The following CNST variants were observed in gnomAD, a reference collection of about 807,000 sequenced individuals.
CNST encodes consortin, connexin sorting protein, also known as consortin.
A neutral mutation model predicts 72.4 loss-of-function variants in CNST; 39 were observed. The observed-to-expected ratio is 0.54, with a 90% CI of 0.42 to 0.70. The LOEUF is 0.70. Ranked by LOEUF, CNST falls within the 30% of genes least tolerant of loss-of-function variation. CNST has a pLI of 0.00. For missense variants in CNST, 871 were observed against 868.5 expected (o/e 1.00, Z -0.04); for synonymous variants, 332 against 320.1 (o/e 1.04, Z -0.40).
At chr1:246,578,407 T>G (rs1660569108) in intron 1 of CNST, among the ~76,000 whole-genome samples, 1 of 152,186 alleles carries the variant, frequency 6.6e-6, no homozygotes, top group East Asian at 1.9e-4. Context: ...GCGTGGTGGC[T>G]CACGCCTGTA....
intron 10 of CNST, among the ~76,000 whole-genome samples, chr1:246,661,543 C>T (rs932681691): frequency 2.0e-5 from 3 of 152,160 alleles, no homozygotes; most frequent in Non-Finnish European, 1.5e-5. Context: ...AGTTTTACAC[C>T]ATTGCTGCTG....
intron 1 of CNST, among the ~76,000 whole-genome samples, chr1:246,567,662 C>A (rs536148987): frequency 5.9e-5 from 9 of 152,216 alleles, no homozygotes; most frequent in African/African-American, 1.9e-4. Context: ...CTAAATATGA[C>A]CTTTTGTGTA....
intron 1 of CNST, among the ~76,000 whole-genome samples, chr1:246,575,093 T>G (rs1341005197): frequency 1.3e-5 from 2 of 151,960 alleles, no homozygotes. Context: ...CCTCCCGGGT[T>G]CAAGTGATTC....
intron 3 of CNST, among the ~76,000 whole-genome samples, chr1:246,630,028 G>A (rs1664677126): frequency 6.6e-6 from 1 of 152,194 alleles, no homozygotes. Context: ...TGCCATGCCC[G>A]GCTCTGCAGT....
At chr1:246,609,672 G>A (rs905018194) in intron 2 of CNST, among the ~76,000 whole-genome samples, 2 of 152,220 alleles carry the variant, frequency 1.3e-5, no homozygotes, top group African/African-American at 4.8e-5. Context: ...GAAAAAGGGA[G>A]CAGGGCAGAG....
At chr1:246,651,809 A>G (rs1337046083) in intron 9 of CNST, among the ~76,000 whole-genome samples, 1 of 152,206 alleles carries the variant, frequency 6.6e-6, no homozygotes, top group East Asian at 1.9e-4. Flanking sequence ...AAAAAGCATC[A>G]AAAATTTTAT....
chr1:246,642,050 C>T lies in CNST; in HGVS notation c.937+13C>T, dbSNP rs992076403. The T allele has an allele frequency of 1.1e-5, 17 of 1,507,722 alleles. No homozygotes were observed. The highest frequency in any genetic ancestry group is 1.3e-5 in the Non-Finnish European group (14 of 1,100,882). The allele number at this position is 1,507,722 out of a possible 1,614,324, so 93.4% of individuals were successfully genotyped here. A position where few individuals can be genotyped will look rare whatever the true frequency, so the allele number is the denominator to read the frequency against. ...ACCAAAGAGTCAGGTATGTTTTTAA[C>T]TTAAGCTATGGAGCAACGTAAAAGA... On this transcript the variant is annotated intron_variant, in intron 8 of 10. Transcript: ENST00000366513.
intron 2 of CNST, among the ~76,000 whole-genome samples, chr1:246,604,239 G>A (rs747927244): frequency 3.9e-5 from 6 of 151,904 alleles, no homozygotes; most frequent in East Asian, 3.9e-4. Flanking sequence ...GGGCGAAGAC[G>A]CAAGACTCCA....
At chr1:246,588,119 ATCTT>A (rs1407424827) in intron 1 of CNST, among the ~76,000 whole-genome samples, 1 of 152,090 alleles carries the variant, frequency 6.6e-6, no homozygotes, top group Non-Finnish European at 1.5e-5. Flanking sequence ...GAAGAACTAA[ATCTT>A]TATGAAATTA....
At chr1:246,589,779 G>A (rs907529768) in intron 1 of CNST, among the ~76,000 whole-genome samples, 1 of 152,142 alleles carries the variant, frequency 6.6e-6, no homozygotes, top group South Asian at 2.1e-4. Flanking sequence ...AGCACCTGTT[G>A]TTTCCTGACT....
chr1:246,665,722 T>C lies in CNST; in HGVS notation c.1995T>C (p.Cys665=), dbSNP rs1342907084. The change falls in exon 11 of 11, where the codon TGT becomes TGC. Residue 665 remains cysteine, a synonymous_variant. Coordinates refer to ENST00000366513, the MANE Select transcript of CNST (RefSeq NM_152609.3). ...LDQDEVGGGS[C]ILLVLLCIAT... ...CAGATGAAGTTGGAGGTGGCTCCTG[T>C]ATTTTGCTGGTCTTGCTGTGCATAG... The C allele has an allele frequency of 6.2e-7, 1 of 1,613,102 alleles. No individual in the cohort carries two copies. Among genetic ancestry groups the C allele is most frequent in the Non-Finnish European group, 8.5e-7 (1 of 1,180,032 alleles).
intron 1 of CNST, among the ~76,000 whole-genome samples, chr1:246,584,194 G>A (rs975919281): frequency 6.6e-6 from 1 of 152,204 alleles, no homozygotes; most frequent in African/African-American, 2.4e-5. Context: ...CTCGCAGAGT[G>A]CTGAGCCACC....
intron 2 of CNST, among the ~76,000 whole-genome samples, chr1:246,595,708 ATGTTCT>A (rs535472854): frequency 2.0e-5 from 3 of 152,202 alleles, no homozygotes; most frequent in Non-Finnish European, 4.4e-5. Flanking sequence ...TTGTAGGTAG[ATGTTCT>A]TGTAACACTT....
At position 246,619,348 on chromosome 1, in the gene CNST, A is replaced by T. The variant is rs186881868; in HGVS notation, c.380-2081A>T. ...TGGGCCTTGTACTTCTAATGGCCAA[A>T]ATGTATAGCAACATAAAGTGTCTAG... On this transcript the variant is annotated intron_variant, in intron 2 of 10. Transcript: ENST00000366513. Among the ~76,000 whole-genome samples the T allele has an allele frequency of 2.6e-5, 4 of 152,314 alleles. No individual in the cohort carries two copies. In the East Asian group the frequency reaches 5.8e-4, roughly 22 times the overall value.
intron 6 of CNST, among the ~76,000 whole-genome samples, chr1:246,635,988 A>G (rs1411337101): frequency 6.6e-6 from 1 of 152,210 alleles, no homozygotes; most frequent in East Asian, 1.9e-4. Context: ...AGCCGTGAGT[A>G]AGCCTGGGTT....
At chr1:246,618,302 G>A (rs535536455) in intron 2 of CNST, among the ~76,000 whole-genome samples, 1 of 152,256 alleles carries the variant, frequency 6.6e-6, no homozygotes, top group East Asian at 1.9e-4. Context: ...CTAATCGAAG[G>A]TCTCTTGGAA....
chr1:246,668,425 G>C lies in CNST; in HGVS notation c.*2520G>C, dbSNP rs1667469017. The stretch of plus-strand genomic sequence containing the variant: ...AAACTTTGATTTCAGAAGTTGATCT[G>C]GCCCTACAAGTAGACAGTCATCTAC... On this transcript the variant is annotated 3_prime_UTR_variant, in exon 11 of 11. Transcript: ENST00000366513. The C allele has an allele frequency of 6.6e-6, 1 of 152,172 alleles. No homozygotes were observed. The highest frequency in any genetic ancestry group is 2.4e-5 in the African/African-American group (1 of 41,432). The allele number at this position is 152,172 out of a possible 1,614,324, so 9.4% of individuals were successfully genotyped here.
intron 2 of CNST, among the ~76,000 whole-genome samples, chr1:246,596,795 T>G (rs1232122410): frequency 6.6e-6 from 1 of 152,250 alleles, no homozygotes; most frequent in Admixed American, 6.5e-5. Flanking sequence ...TTGTCTACTC[T>G]GAACATTGCA....
At chr1:246,638,546 C>T (rs1351764608) in intron 6 of CNST, among the ~76,000 whole-genome samples, 4 of 152,194 alleles carry the variant, frequency 2.6e-5, no homozygotes, top group Non-Finnish European at 4.4e-5. Flanking sequence ...TAACGAGAAT[C>T]TGAATATATG....
Sources: gnomAD v4.1 joint callset for allele counts (sites outside exome capture counted in the v4.1 genomes callset) on GRCh38, gnomAD v4.1.1 for gene constraint, MANE v1.5 for transcripts, NCBI Gene and HGNC (gene_info 2026-07-23, HGNC 2026-07-21) for gene names.